CABIN1: variants seen among roughly 807,000 people sequenced by gnomAD.
CABIN1 encodes the protein calcineurin binding protein 1.
In CABIN1, 133 loss-of-function variants were observed where a neutral mutation model predicts 227.7. That is an observed-to-expected ratio of 0.58 (90% CI 0.51 to 0.67). The LOEUF (loss-of-function observed/expected upper bound fraction) is 0.67. Ranked by LOEUF, CABIN1 falls within the 30% of genes least tolerant of loss-of-function variation. The pLI is 0.00. For synonymous variants in CABIN1, 1,086 were observed against 1,155.1 expected, an observed-to-expected ratio of 0.94 and a Z score of 1.21; for missense variants, 2,408 against 2,852.5, an observed-to-expected ratio of 0.84 and a Z score of 3.55.
chr22:24,089,251 G>C (rs1290215188), intron 23 of CABIN1, among the ~76,000 whole-genome samples: 1 of 152,234 alleles, frequency 6.6e-6, no homozygotes, highest in African/African-American at 2.4e-5. Context: ...GTAGAGCTTT[G>C]TTTGTAGAGG....
At chr22:24,013,686 A>C (rs1601609527) in intron 1 of CABIN1, among the ~76,000 whole-genome samples, 1 of 152,156 alleles carries the variant, frequency 6.6e-6, no homozygotes, top group Non-Finnish European at 1.5e-5. Flanking sequence ...GAATGTTACC[A>C]TTTTTTAAAT....
At position 24,177,678 on chromosome 22, in the gene CABIN1, G is replaced by A. The variant is rs765735335; in HGVS notation, c.6380G>A (p.Arg2127His). ...CCTGAGCCCAGCCGGGCTAAGTCCC[G>A]CCCCCTGCCCAACATGCCAAAGCTG... ...GKPEPSRAKS[R>H]PLPNMPKLVI... The change falls in exon 36 of 37, where the codon CGC becomes CAC. Residue 2127 changes from arginine (R) to histidine (H), a missense_variant. Coordinates refer to ENST00000263119, the MANE Select transcript of CABIN1 (RefSeq NM_012295.4). The surrounding 1 kb of genome is among the most constrained non-coding windows in gnomAD (Gnocchi z 4.4). The A allele has an allele frequency of 3.9e-5, 63 of 1,613,462 alleles. No individual in the cohort carries two copies. The highest frequency in any genetic ancestry group is 1.8e-4 in the Admixed American group (11 of 59,968).
At chr22:24,048,342 G>T (rs1287465536) in intron 6 of CABIN1, among the ~76,000 whole-genome samples, 2 of 152,242 alleles carry the variant, frequency 1.3e-5, no homozygotes, top group South Asian at 2.1e-4. Flanking sequence ...CATCTATGTA[G>T]TGGCTGCTTG....
At chr22:24,169,018 C>T (rs954026683) in intron 33 of CABIN1, among the ~76,000 whole-genome samples, 1 of 151,992 alleles carries the variant, frequency 6.6e-6, no homozygotes, top group African/African-American at 2.4e-5. Flanking sequence ...AAGGCAGCAA[C>T]ACTCCTGAGT....
intron 26 of CABIN1, among the ~76,000 whole-genome samples, chr22:24,112,731 A>G (rs551811564): frequency 1.1e-4 from 16 of 152,170 alleles, no homozygotes; most frequent in Admixed American, 3.3e-4. Flanking sequence ...TGGACCCTAG[A>G]TGATTTCCTG....
At position 24,177,380 on chromosome 22, in the gene CABIN1, G is replaced by A; in HGVS notation, c.6206-124G>A. ...GCCCAGGGTAGAAGCCTTGGAGCCTGCCAGCCAGCACAAACTACACAGCAT... is the reference window on the plus strand; with the variant it reads ...GCCCAGGGTAGAAGCCTTGGAGCCTACCAGCCAGCACAAACTACACAGCAT... On this transcript the variant is annotated intron_variant, in intron 35 of 36. Transcript: ENST00000263119. This position sits in a 1 kb window ranked among gnomAD's most constrained non-coding sequence, Gnocchi z 4.4. 1 of 880,128 alleles carries A rather than the reference G, an allele frequency of 1.1e-6. No individual in the cohort carries two copies. The highest frequency in any genetic ancestry group is 1.7e-6 in the Non-Finnish European group (1 of 581,278). 54.5% of individuals were successfully genotyped at this position (880,128 alleles called of 1,614,324 possible). A position where few individuals can be genotyped will look rare whatever the true frequency, so the allele number is the denominator to read the frequency against.
rs374950825 is a variant in CABIN1 at position 24,166,355 on chromosome 22, T to C, written c.5008-284T>C. ...GCCCCAGCTCAGCCCAGGCCTGTTA[T>C]TCAGGAGCAGTGCCACCTCCAGAGT... is the stretch of plus-strand genomic sequence containing the variant. On this transcript the variant is annotated intron_variant, in intron 31 of 36. Transcript: ENST00000263119. Among the ~76,000 whole-genome samples, 95 of 152,324 alleles carry C rather than the reference T, an allele frequency of 6.2e-4. 1 individual carries two copies. In the South Asian group the frequency reaches 0.018, roughly 29 times the overall value.
Position 24,177,879 on chromosome 22 carries a change from C to G in CABIN1, c.6519+62C>G, listed in dbSNP as rs1206054221. ...GGGAGGCATAGGTTACAAAGGGGGC[C>G]TAGGATGGGGGTGGGGGTGGCAGGA... is the stretch of plus-strand genomic sequence containing the variant. On this transcript the variant is annotated intron_variant, in intron 36 of 36. Transcript: ENST00000263119. The surrounding 1 kb of genome is among the most constrained non-coding windows in gnomAD (Gnocchi z 4.4). The G allele has an allele frequency of 1.4e-6, 2 of 1,443,658 alleles. No individual in the cohort carries two copies. The highest frequency in any genetic ancestry group is 1.9e-6 in the Non-Finnish European group (2 of 1,060,846). The allele number at this position is 1,443,658 out of a possible 1,614,324, so 89.4% of individuals were successfully genotyped here.
At position 24,171,828 on chromosome 22, in the gene CABIN1, G is replaced by T. The variant is rs749499501; in HGVS notation, c.5873G>T (p.Arg1958Leu). The T allele has an allele frequency of 6.2e-7, 1 of 1,614,090 alleles. No homozygotes were observed. The highest frequency in any genetic ancestry group is 8.5e-7 in the Non-Finnish European group (1 of 1,180,042). ...PDPVPADSVQ[R>L]PSDAHTKPRP... ...CCTGTGCCAGCTGACTCTGTCCAGC[G>T]GCCCAGTGATGCTCACACCAAGCCT... The change falls in exon 34 of 37, where the codon CGG (arginine) becomes CTG (leucine). Residue 1958 changes from arginine (R) to leucine (L), a missense_variant. This residue lies in a region of CABIN1 where 714 missense variants were observed against 773.8 expected (regional missense o/e 0.92). Transcript: ENST00000263119.
At chr22:24,077,897 C>G (rs2040550239) in intron 19 of CABIN1, among the ~76,000 whole-genome samples, 1 of 152,166 alleles carries the variant, frequency 6.6e-6, no homozygotes, top group African/African-American at 2.4e-5. Flanking sequence ...TCTACTGGAG[C>G]ATGAATTCTA....
At chr22:24,015,501 C>T (rs1205731944) in intron 1 of CABIN1, among the ~76,000 whole-genome samples, 13 of 151,396 alleles carry the variant, frequency 8.6e-5, no homozygotes, top group African/African-American at 2.7e-4. Context: ...CCCACCACCG[C>T]GCCTGGCTAA....
intron 29 of CABIN1, among the ~76,000 whole-genome samples, chr22:24,153,857 C>A (rs1430661904): frequency 6.6e-6 from 1 of 152,144 alleles, no homozygotes; most frequent in East Asian, 1.9e-4. Context: ...CCCTGAGCTC[C>A]CCTCTTCCAC....
chr22:24,137,435 C>T (rs915179989), intron 29 of CABIN1, among the ~76,000 whole-genome samples: 7 of 152,176 alleles, frequency 4.6e-5, no homozygotes, highest in Admixed American at 1.3e-4. Context: ...AGGTTGTGTG[C>T]CTGTGGGAGG....
intron 24 of CABIN1, among the ~76,000 whole-genome samples, chr22:24,094,559 T>A (rs2041758887): frequency 6.6e-6 from 1 of 152,110 alleles, no homozygotes; most frequent in Non-Finnish European, 1.5e-5. Flanking sequence ...GGCTCACGCC[T>A]GTAATTCCAG....
rs767244433 is a variant in CABIN1 at position 24,072,601 on chromosome 22, C to G, written c.2632+91C>G. On this transcript the variant is annotated intron_variant, in intron 18 of 36. Transcript: ENST00000263119. The stretch of plus-strand genomic sequence containing the variant: ...CCTAGGGTCCTGGACCTTATCCAGA[C>G]GTTGTGAGTGGGGCTCAGTCCTCTC... The G allele has an allele frequency of 5.3e-5, 77 of 1,460,190 alleles. No individual in the cohort carries two copies. The African/African-American group carries it at 6.9e-4, about 13-fold the overall frequency. The allele number at this position is 1,460,190 out of a possible 1,614,324, so 90.5% of individuals were successfully genotyped here.
chr22:24,110,297 A>G (rs1398000459), intron 26 of CABIN1, among the ~76,000 whole-genome samples: 1 of 152,242 alleles, frequency 6.6e-6, no homozygotes, highest in Non-Finnish European at 1.5e-5. Context: ...GTCTGCCTTC[A>G]GGTGATACTG....
intron 12 of CABIN1, among the ~76,000 whole-genome samples, chr22:24,061,357 A>G (rs1337283394): frequency 1.3e-5 from 2 of 152,194 alleles, no homozygotes; most frequent in East Asian, 1.9e-4. Flanking sequence ...ACTTGAGAGC[A>G]CAGGAGGTAG....
intron 8 of CABIN1, among the ~76,000 whole-genome samples, chr22:24,053,620 C>T (rs1219529417): frequency 6.6e-6 from 1 of 152,144 alleles, no homozygotes; most frequent in African/African-American, 2.4e-5. Flanking sequence ...CTTAGGTGAT[C>T]TACCCGCCTC....
At chr22:24,026,433 G>A (rs2036093406) in intron 1 of CABIN1, among the ~76,000 whole-genome samples, 1 of 152,114 alleles carries the variant, frequency 6.6e-6, no homozygotes, top group Non-Finnish European at 1.5e-5. Flanking sequence ...TTGCTTATGG[G>A]TTGTGTTTTT....
Sources: allele counts gnomAD v4.1 joint callset (sites outside exome capture counted in the v4.1 genomes callset), GRCh38; gene constraint gnomAD v4.1.1; regional missense constraint gnomAD v4.1.1; non-coding constraint Gnocchi (gnomAD v3.1); transcripts MANE v1.5; gene names NCBI Gene and HGNC (gene_info 2026-07-23, HGNC 2026-07-21).